Variants in CAMKMT observed in about 807,000 individuals in gnomAD.
CAMKMT encodes the protein CaM KMT.
In CAMKMT, 53 loss-of-function variants were observed where a neutral mutation model predicts 48.0. That is an observed-to-expected ratio of 1.10 (90% CI 0.89 to 1.39). The LOEUF (loss-of-function observed/expected upper bound fraction) is 1.39, where lower values mean the gene tolerates loss of function less well. Ranked by LOEUF, CAMKMT falls within the 40% of genes most tolerant of loss-of-function variation. The probability of loss-of-function intolerance (pLI) is 0.00; values close to 1 mark genes in which losing one functional copy is unlikely to be tolerated. For missense variants in CAMKMT, 428 were observed against 402.7 expected, an observed-to-expected ratio of 1.06 and a Z score of -0.54; for synonymous variants, 165 against 152.3, an observed-to-expected ratio of 1.08 and a Z score of -0.61.
chr2:44,478,580 T>C (rs546504268), intron 3 of CAMKMT, among the ~76,000 whole-genome samples: 135 of 152,326 alleles, frequency 8.9e-4, no homozygotes, highest in Middle Eastern at 3.4e-3. Flanking sequence ...TTCAAATCTT[T>C]AACAATAATA....
chr2:44,586,825 T>C (rs993100047), intron 3 of CAMKMT, among the ~76,000 whole-genome samples: 2 of 152,202 alleles, frequency 1.3e-5, no homozygotes, highest in African/African-American at 4.8e-5. Flanking sequence ...AGTAAATACA[T>C]AGGAGTAGAA....
chr2:44,706,385 A>G, intron 5 of CAMKMT, 44 bp downstream of exon 5: 1 of 1,600,686 alleles, frequency 6.2e-7, no homozygotes, highest in Middle Eastern at 1.7e-4. Flanking sequence ...GGGAGGAACA[A>G]AAGGAAAAAT....
At chr2:44,759,049 G>A (rs1002063024) in intron 9 of CAMKMT, among the ~76,000 whole-genome samples, 8 of 145,226 alleles carry the variant, frequency 5.5e-5, no homozygotes, top group Admixed American at 2.0e-4. Flanking sequence ...GGCCCTACCC[G>A]ATCACCAGAT....
At chr2:44,770,843 TAC>T (rs1681075656) in intron 10 of CAMKMT, among the ~76,000 whole-genome samples, 1 of 152,248 alleles carries the variant, frequency 6.6e-6, no homozygotes, top group Non-Finnish European at 1.5e-5. Context: ...AAATCATCTG[TAC>T]ACAGAACAAA....
intron 3 of CAMKMT, among the ~76,000 whole-genome samples, chr2:44,428,586 C>T (rs1254614570): frequency 1.3e-5 from 2 of 152,254 alleles, no homozygotes; most frequent in Admixed American, 6.5e-5. Context: ...ATTTCCCTGC[C>T]TCCTGTCCAT....
chr2:44,625,909 G>A (rs1403383247), intron 3 of CAMKMT, among the ~76,000 whole-genome samples: 2 of 152,012 alleles, frequency 1.3e-5, no homozygotes, highest in South Asian at 2.1e-4. Flanking sequence ...TTTGATTACT[G>A]TAGATTTACA....
At chr2:44,594,521 A>G (rs941599035) in intron 3 of CAMKMT, among the ~76,000 whole-genome samples, 14 of 152,180 alleles carry the variant, frequency 9.2e-5, no homozygotes, top group Admixed American at 6.5e-5. Context: ...ATCTAAAACC[A>G]TCTGATCTTT....
chr2:44,723,486 G>A (rs1221795400), intron 7 of CAMKMT, among the ~76,000 whole-genome samples: 1 of 151,932 alleles, frequency 6.6e-6, no homozygotes. Context: ...AGCTACTTGG[G>A]AGGCTGAGGC....
rs542600044 is a variant in CAMKMT, at chr2:44,661,338, C to T, written c.377-42945C>T. On this transcript the variant is annotated intron_variant, in intron 3 of 10. Coordinates refer to ENST00000378494, the MANE Select transcript of CAMKMT (RefSeq NM_024766.5). ...TTTTTTTTTTTTTTTTTTTTTGAGA[C>T]GGAGTCTCGCTCAGCTGCCCAGGCT... Among the ~76,000 whole-genome samples, 11 of 100,520 alleles carry T rather than the reference C, an allele frequency of 1.1e-4. No individual in the cohort carries two copies. The South Asian group carries it at 2.4e-3, about 22-fold the overall frequency. The allele number at this position is 100,520 out of a possible 152,430, so 65.9% of individuals were successfully genotyped here.
chr2:44,544,315 A>G (rs1027798799), intron 3 of CAMKMT, among the ~76,000 whole-genome samples: 6 of 152,198 alleles, frequency 3.9e-5, no homozygotes, highest in African/African-American at 1.4e-4. Flanking sequence ...ATACAAATCA[A>G]GACTTCCAGC....
In CAMKMT at chr2:44,671,096, GATT is replaced by G. The variant is rs528257532; in HGVS notation, c.377-33185_377-33183del. Among the ~76,000 whole-genome samples, 449 of 152,272 alleles carry G rather than the reference GATT, an allele frequency of 2.9e-3. 3 individuals carry two copies. Among genetic ancestry groups the G allele is most frequent in the African/African-American group, 0.01 (423 of 41,540 alleles). ...GCTTTTAGAATGGCCTAGTATTATT[GATT>G]AGCTGACTTTGTAGTCTCCTTTAGG... On this transcript the variant is annotated intron_variant, in intron 3 of 10. Coordinates refer to ENST00000378494, the MANE Select transcript of CAMKMT (RefSeq NM_024766.5).
intron 3 of CAMKMT, among the ~76,000 whole-genome samples, chr2:44,648,158 T>C (rs1673856623): frequency 6.6e-6 from 1 of 152,056 alleles, no homozygotes; most frequent in Non-Finnish European, 1.5e-5. Flanking sequence ...GAACATTATG[T>C]ATAGTATAAT....
At chr2:44,642,190 T>A (rs142703649) in intron 3 of CAMKMT, among the ~76,000 whole-genome samples, 2 of 152,366 alleles carry the variant, frequency 1.3e-5, no homozygotes, top group East Asian at 1.9e-4. Flanking sequence ...TTTACCTTTG[T>A]TGGCTAAAAG....
intron 7 of CAMKMT, among the ~76,000 whole-genome samples, chr2:44,730,065 A>G (rs536748476): frequency 3.7e-4 from 56 of 152,326 alleles, no homozygotes; most frequent in Non-Finnish European, 7.2e-4. Context: ...CTTTTAGACA[A>G]GAGGAAAGGA....
chr2:44,644,112 G>A (rs1340137012), intron 3 of CAMKMT, among the ~76,000 whole-genome samples: 1 of 152,120 alleles, frequency 6.6e-6, no homozygotes, highest in Non-Finnish European at 1.5e-5. Flanking sequence ...TTATCTAATT[G>A]CTCACAGAAA....
chr2:44,689,781 C>G (rs1676539837), intron 3 of CAMKMT, among the ~76,000 whole-genome samples: 1 of 152,168 alleles, frequency 6.6e-6, no homozygotes, highest in African/African-American at 2.4e-5. Flanking sequence ...GCCCAGATAG[C>G]TCACATCAGG....
intron 3 of CAMKMT, among the ~76,000 whole-genome samples, chr2:44,567,903 A>G (rs763571648): frequency 6.6e-6 from 1 of 152,192 alleles, no homozygotes; most frequent in Non-Finnish European, 1.5e-5. Flanking sequence ...TCGAGTGCTT[A>G]CTTAGCACTG....
intron 9 of CAMKMT, among the ~76,000 whole-genome samples, chr2:44,765,561 G>A (rs1680806509): frequency 6.6e-6 from 1 of 151,100 alleles, no homozygotes; most frequent in South Asian, 2.1e-4. Context: ...CTGAAGTTTG[G>A]CCATTCTGTA....
intron 3 of CAMKMT, among the ~76,000 whole-genome samples, chr2:44,504,993 TGTG>T (rs1479772398): frequency 6.6e-6 from 1 of 152,140 alleles, no homozygotes; most frequent in African/African-American, 2.4e-5. Flanking sequence ...ACAGAGGTCA[TGTG>T]GTGAGGGGTG....
Sources: gnomAD v4.1 joint callset for allele counts (sites outside exome capture counted in the v4.1 genomes callset) on GRCh38, gnomAD v4.1.1 for gene constraint, MANE v1.5 for transcripts, NCBI Gene and HGNC (gene_info 2026-07-23, HGNC 2026-07-21) for gene names.